CALCR: variants seen among roughly 807,000 people sequenced by gnomAD.
CALCR encodes the protein calcitonin receptor.
Under a neutral mutation model 59.5 loss-of-function variants are expected in CALCR, and 47 were observed. The observed-to-expected ratio is 0.79, with a 90% CI of 0.63 to 1.01. The LOEUF is 1.01. CALCR is among the 50% of genes least tolerant of loss of function. The pLI is 0.00. For synonymous variants in CALCR, 213 were observed against 211.3 expected (o/e 1.01, Z -0.07); for missense variants, 566 against 597.1 (o/e 0.95, Z 0.54).
At chr7:93,454,571 C>T (rs1251715923) in intron 8 of CALCR, among the ~76,000 whole-genome samples, 1 of 151,656 alleles carries the variant, frequency 6.6e-6, no homozygotes, top group Non-Finnish European at 1.5e-5. Flanking sequence ...TTTAATTCTG[C>T]CTCCTGACTT....
chr7:93,429,076 A>G (rs1414473164), intron 13 of CALCR, among the ~76,000 whole-genome samples: 1 of 152,344 alleles, frequency 6.6e-6, no homozygotes, highest in African/African-American at 2.4e-5. Flanking sequence ...AAAAGTTATT[A>G]TTACAGAAAG....
chr7:93,570,278 T>C (rs985012982), intron 2 of CALCR, among the ~76,000 whole-genome samples: 4 of 152,158 alleles, frequency 2.6e-5, no homozygotes, highest in Non-Finnish European at 5.9e-5. Context: ...AACCATGTTC[T>C]ATAACACTGA....
intron 2 of CALCR, among the ~76,000 whole-genome samples, chr7:93,517,189 T>C (rs186494384): frequency 6.6e-4 from 99 of 150,782 alleles, no homozygotes; most frequent in African/African-American, 2.4e-3. Context: ...ACCCAATACC[T>C]ATCACGCTGC....
At chr7:93,561,521 A>C (rs2116267269) in intron 2 of CALCR, among the ~76,000 whole-genome samples, 2 of 152,218 alleles carry the variant, frequency 1.3e-5, no homozygotes, top group South Asian at 4.1e-4. Flanking sequence ...AGGGTTAAGA[A>C]ATTTATAATT....
intron 8 of CALCR, among the ~76,000 whole-genome samples, chr7:93,452,102 C>T (rs1024843314): frequency 1.3e-5 from 2 of 151,898 alleles, no homozygotes; most frequent in Non-Finnish European, 2.9e-5. Context: ...AGGACCTGTA[C>T]CCCAAACCTC....
At chr7:93,542,557 T>G (rs928427306) in intron 2 of CALCR, among the ~76,000 whole-genome samples, 1 of 152,100 alleles carries the variant, frequency 6.6e-6, no homozygotes, top group South Asian at 2.1e-4. Flanking sequence ...ACAAAACTTA[T>G]GAAAAAAATT....
intron 8 of CALCR, among the ~76,000 whole-genome samples, chr7:93,457,056 T>G (rs11981270): frequency 0.062 from 9,421 of 152,170 alleles, 933 homozygotes; most frequent in African/African-American, 0.21. Context: ...ATGTGCTGTG[T>G]CTGGCAGAGT....
At chr7:93,515,818 T>C (rs751906919) in intron 2 of CALCR, among the ~76,000 whole-genome samples, 7 of 151,996 alleles carry the variant, frequency 4.6e-5, no homozygotes, top group African/African-American at 7.2e-5. Context: ...ATTTAAGAAA[T>C]GTCAAAATCT....
rs550530537 is a variant in CALCR, at chr7:93,522,879, T to C, written c.-26-35872A>G. ...TCTGTTATGCCACTGGCAAACCTTT[T>C]GGAAGCAAAAATCAAGGAATGAAGC... On this transcript the variant is annotated intron_variant, in intron 2 of 13. Coordinates refer to ENST00000426151, the MANE Select transcript of CALCR (RefSeq NM_001742.4). Among the ~76,000 whole-genome samples, 3 of 152,314 alleles carry C rather than the reference T, an allele frequency of 2.0e-5. No individual in the cohort carries two copies. The East Asian group carries it at 5.8e-4, about 29-fold the overall frequency.
At chr7:93,491,475 C>G (rs2115956434) in intron 2 of CALCR, among the ~76,000 whole-genome samples, 1 of 152,196 alleles carries the variant, frequency 6.6e-6, no homozygotes, top group Admixed American at 6.6e-5. Context: ...CAGCAATCTA[C>G]AGAATGGGAG....
intron 2 of CALCR, among the ~76,000 whole-genome samples, chr7:93,501,917 C>G (rs189353766): frequency 6.6e-6 from 1 of 151,994 alleles, no homozygotes; most frequent in African/African-American, 2.4e-5. Context: ...GGGTCCTGAA[C>G]TAATTGCTGC....
intron 2 of CALCR, among the ~76,000 whole-genome samples, chr7:93,507,500 A>C (rs4510764): frequency 0.41 from 62,020 of 151,386 alleles, 13,723 homozygotes; most frequent in African/African-American, 0.58. Context: ...CTAGATGTTG[A>C]ATCAGGTGCC....
intron 2 of CALCR, among the ~76,000 whole-genome samples, chr7:93,526,515 A>T (rs1801880524): frequency 1.2e-5 from 1 of 84,704 alleles, no homozygotes; most frequent in Non-Finnish European, 2.1e-5. Context: ...TATAGATTGC[A>T]ATTTATATGT....
intron 8 of CALCR, among the ~76,000 whole-genome samples, chr7:93,444,189 G>A (rs1055004084): frequency 4.6e-5 from 7 of 152,018 alleles, no homozygotes; most frequent in Non-Finnish European, 8.8e-5. Context: ...TGTTCCTTTA[G>A]CAGTAAAGAG....
At chr7:93,443,501 C>T in intron 9 of CALCR, 103 bp downstream of exon 9, 1 of 1,101,188 alleles carries the variant, frequency 9.1e-7, no homozygotes, top group Non-Finnish European at 1.3e-6. Context: ...CCTTGAAGGA[C>T]CTGGGACTTG....
At chr7:93,569,977 T>G (rs1436849461) in intron 2 of CALCR, among the ~76,000 whole-genome samples, 3 of 139,716 alleles carry the variant, frequency 2.1e-5, no homozygotes, top group Non-Finnish European at 3.2e-5. Context: ...CACTTCAATT[T>G]TGAGGCAGAA....
chr7:93,477,564 G>T lies in CALCR; in HGVS notation c.310C>A (p.Pro104Thr). Residue 104 changes from proline (P) to threonine (T), a missense_variant, in exon 5 of 14, where the codon CCA becomes ACA. Coordinates refer to ENST00000426151, the MANE Select transcript of CALCR (RefSeq NM_001742.4). ...ATGAAAATAAACACTCTACCTGATG[G>T]ATCAAAATCCGGAAAATAATCTGGG... is the stretch of plus-strand genomic sequence containing the variant. ...FCPDYFPDFDPSEKVTKYCDE... is the reference protein window; with the variant it reads ...FCPDYFPDFDTSEKVTKYCDE... 1 of 1,601,138 alleles carries T rather than the reference G, an allele frequency of 6.2e-7. No homozygotes were observed. The highest frequency in any genetic ancestry group is 8.6e-7 in the Non-Finnish European group (1 of 1,169,486).
At chr7:93,429,042 G>C (rs73219947) in intron 13 of CALCR, among the ~76,000 whole-genome samples, 23,932 of 152,034 alleles carry the variant, frequency 0.16, 2,249 homozygotes, top group East Asian at 0.37. Context: ...GGGGCCAAAC[G>C]GTTTGATTTC....
chr7:93,561,859 G>T (rs1789756928), intron 2 of CALCR, among the ~76,000 whole-genome samples: 1 of 152,070 alleles, frequency 6.6e-6, no homozygotes, highest in African/African-American at 2.4e-5. Context: ...GTAAAAATGT[G>T]TGCTCTGCCT....
Sources: allele counts gnomAD v4.1 joint callset (sites outside exome capture counted in the v4.1 genomes callset), GRCh38; gene constraint gnomAD v4.1.1; transcripts MANE v1.5; gene names NCBI Gene and HGNC (gene_info 2026-07-23, HGNC 2026-07-21).